Variants in STT3B observed in about 807,000 individuals in gnomAD.
The protein encoded by STT3B is STT3 oligosaccharyltransferase complex catalytic subunit B.
In STT3B, 29 loss-of-function variants were observed where a neutral mutation model predicts 96.8. The observed-to-expected ratio is 0.30, with a 90% CI of 0.22 to 0.41. STT3B has a LOEUF of 0.41. Ranked by LOEUF, STT3B falls within the 10% of genes least tolerant of loss-of-function variation. STT3B has a pLI of 1.00. For synonymous variants in STT3B, 367 were observed against 360.0 expected, an observed-to-expected ratio of 1.02 and a Z score of -0.22; for missense variants, 640 against 1,022.3, an observed-to-expected ratio of 0.63 and a Z score of 5.10.
chr3:31,558,677 A>G (rs1330580959), intron 1 of STT3B, among the ~76,000 whole-genome samples: 1 of 152,186 alleles, frequency 6.6e-6, no homozygotes, highest in African/African-American at 2.4e-5. Context: ...GTAATGCCTC[A>G]TAGAAAAAGT....
intron 10 of STT3B, among the ~76,000 whole-genome samples, chr3:31,623,276 G>A (rs539953087): frequency 6.6e-6 from 1 of 152,158 alleles, no homozygotes; most frequent in African/African-American, 2.4e-5. Flanking sequence ...AGTGGTACAT[G>A]GTCAAAATTA....
chr3:31,546,992 TG>T (rs758366315), intron 1 of STT3B, among the ~76,000 whole-genome samples: 3 of 152,234 alleles, frequency 2.0e-5, no homozygotes, highest in African/African-American at 4.8e-5. Context: ...CATGATGCTT[TG>T]CTCAACCTAC....
intron 1 of STT3B, among the ~76,000 whole-genome samples, chr3:31,559,177 G>A (rs1043848663): frequency 2.7e-5 from 4 of 148,168 alleles, no homozygotes; most frequent in Admixed American, 2.7e-4. Flanking sequence ...GTGTGTGTGT[G>A]TGTGTGTGTG....
At chr3:31,583,328 G>C (rs953106273) in intron 3 of STT3B, among the ~76,000 whole-genome samples, 4 of 151,630 alleles carry the variant, frequency 2.6e-5, no homozygotes, top group African/African-American at 4.8e-5. Context: ...AAAATTCAAA[G>C]TCTGTTTTTT....
intron 5 of STT3B, among the ~76,000 whole-genome samples, chr3:31,610,980 A>C (rs1247979317): frequency 6.6e-6 from 1 of 152,202 alleles, no homozygotes; most frequent in Non-Finnish European, 1.5e-5. Context: ...AGAGCTCACC[A>C]CTTTGATGGA....
At chr3:31,603,035 G>C (rs750495847) in intron 5 of STT3B, among the ~76,000 whole-genome samples, 5 of 151,958 alleles carry the variant, frequency 3.3e-5, no homozygotes, top group Non-Finnish European at 7.4e-5. Context: ...TGTATATAAA[G>C]TTCTTTGATT....
intron 3 of STT3B, among the ~76,000 whole-genome samples, chr3:31,593,729 C>T (rs1402078414): frequency 3.3e-5 from 5 of 151,906 alleles, no homozygotes; most frequent in African/African-American, 1.2e-4. Context: ...TCTTATTTCT[C>T]ACATGTATAG....
chr3:31,563,457 A>G lies in STT3B; in HGVS notation c.315-12939A>G, dbSNP rs1398020141. Among the ~76,000 whole-genome samples, 4 of 152,358 alleles carry G rather than the reference A, an allele frequency of 2.6e-5. No individual in the cohort carries two copies. In the East Asian group the frequency reaches 7.7e-4, roughly 29 times the overall value. On this transcript the variant is annotated intron_variant, in intron 1 of 15. Transcript: ENST00000295770. ...CAGATAGGCAAGCAAACAAGTAAAT[A>G]AAAAGATCAAGATAATTTTAGTTAG... is the stretch of plus-strand genomic sequence containing the variant.
At chr3:31,544,466 A>G (rs1697352861) in intron 1 of STT3B, among the ~76,000 whole-genome samples, 1 of 152,242 alleles carries the variant, frequency 6.6e-6, no homozygotes, top group Non-Finnish European at 1.5e-5. Flanking sequence ...GAATCCTGAC[A>G]AAATGGTCAG....
intron 2 of STT3B, among the ~76,000 whole-genome samples, chr3:31,578,972 T>C (rs1421753520): frequency 6.6e-6 from 1 of 152,010 alleles, no homozygotes; most frequent in Non-Finnish European, 1.5e-5. Flanking sequence ...TAGTTTCTGT[T>C]ATGGAGTAAA....
At chr3:31,635,511 ATC>A (rs1699739504) in intron 15 of STT3B, among the ~76,000 whole-genome samples, 1 of 152,184 alleles carries the variant, frequency 6.6e-6, no homozygotes, top group South Asian at 2.1e-4. Context: ...AAGTGATTAT[ATC>A]TCTCATTTTT....
chr3:31,553,027 G>A (rs892368197), intron 1 of STT3B, among the ~76,000 whole-genome samples: 27 of 151,020 alleles, frequency 1.8e-4, no homozygotes, highest in Admixed American at 1.4e-3. Context: ...GCGTGAACCC[G>A]GGAGGCGGAG....
At chr3:31,633,302 GGA>G in intron 15 of STT3B, 155 bp downstream of exon 15, 1 of 690,820 alleles carries the variant, frequency 1.4e-6, no homozygotes, top group Non-Finnish European at 2.3e-6. Context: ...TAGCCTGCTA[GGA>G]GCATTCCTTT....
At chr3:31,561,386 G>A (rs921535595) in intron 1 of STT3B, among the ~76,000 whole-genome samples, 7 of 151,952 alleles carry the variant, frequency 4.6e-5, no homozygotes, top group African/African-American at 7.3e-5. Flanking sequence ...GGAGAATGGG[G>A]TATCTGTCCC....
In STT3B at chr3:31,620,345, T is replaced by C. The variant is rs557055622; in HGVS notation, c.1327+515T>C. ...TATTTTGATTGTTTTAATTTAGGAC[T>C]AGTATATTATGGTTTCTGAGAGGTT... is the stretch of plus-strand genomic sequence containing the variant. On this transcript the variant is annotated intron_variant, in intron 9 of 15. Coordinates refer to ENST00000295770, the MANE Select transcript of STT3B (RefSeq NM_178862.3). The C allele has an allele frequency of 1.2e-4, 19 of 153,076 alleles. No individual in the cohort carries two copies. The South Asian group carries it at 3.5e-3, about 28-fold the overall frequency. 9.5% of individuals were successfully genotyped at this position (153,076 alleles called of 1,614,324 possible). A position where few individuals can be genotyped will look rare whatever the true frequency, so the allele number is the denominator to read the frequency against.
intron 3 of STT3B, among the ~76,000 whole-genome samples, chr3:31,595,432 T>C (rs961182966): frequency 7.9e-5 from 12 of 152,226 alleles, no homozygotes; most frequent in African/African-American, 2.7e-4. Context: ...TTTTCGTTAT[T>C]GATCCCTCTC....
chr3:31,607,048 G>A (rs1024066621), intron 5 of STT3B, among the ~76,000 whole-genome samples: 15 of 152,142 alleles, frequency 9.9e-5, no homozygotes, highest in African/African-American at 2.9e-4. Context: ...GACCTTCAGC[G>A]CCTTTATTTT....
At chr3:31,603,744 A>G (rs1698986048) in intron 5 of STT3B, among the ~76,000 whole-genome samples, 1 of 151,864 alleles carries the variant, frequency 6.6e-6, no homozygotes. Flanking sequence ...AATTGTGAAA[A>G]TATGGAACTA....
chr3:31,629,129 TATAAC>T (rs1699600261), intron 13 of STT3B, 164 bp from the exon 14 acceptor site: 1 of 567,628 alleles, frequency 1.8e-6, no homozygotes, highest in Admixed American at 3.6e-5. Flanking sequence ...ATTAAGGCCT[TATAAC>T]ATGGTTCGAA....
Sources: gnomAD v4.1 joint callset for allele counts (sites outside exome capture counted in the v4.1 genomes callset) on GRCh38, gnomAD v4.1.1 for gene constraint, MANE v1.5 for transcripts, NCBI Gene and HGNC (gene_info 2026-07-23, HGNC 2026-07-21) for gene names.